Variants in FBXO15 observed in about 807,000 individuals in gnomAD.
FBXO15 encodes the protein F-box protein 15, also known as F-box only protein 15.
A neutral mutation model predicts 49.5 loss-of-function variants in FBXO15; 30 were observed. The observed-to-expected ratio is 0.61, with a 90% CI of 0.45 to 0.82. The LOEUF is 0.82. Ranked by LOEUF, FBXO15 falls within the 40% of genes least tolerant of loss-of-function variation. The pLI is 0.00. For missense variants in FBXO15, 591 were observed against 631.5 expected (o/e 0.94, Z 0.69); for synonymous variants, 250 against 232.7 (o/e 1.07, Z -0.68).
rs1023547001 is a variant in FBXO15 at position 74,138,383 on chromosome 18, G to A, written c.227+1819C>T. 3.3e-5 allele frequency among the ~76,000 whole-genome samples: 5 copies of A among 152,018 alleles called. 1 individual carries two copies. Among genetic ancestry groups the A allele is most frequent in the Admixed American group, 1.3e-4 (2 of 15,276 alleles). On this transcript the variant is annotated intron_variant, in intron 2 of 9. Coordinates refer to ENST00000419743, the MANE Select transcript of FBXO15 (RefSeq NM_001142958.2). ...CCATGCCCTGCTGCCTCCTCCCCCC[G>A]CCTCCCCAGGCCGCAGGTCACCGAC...
intron 6 of FBXO15, among the ~76,000 whole-genome samples, chr18:74,125,262 C>T (rs189862118): frequency 4.8e-4 from 73 of 152,272 alleles, no homozygotes; most frequent in African/African-American, 1.6e-3. Context: ...AGGCAAGCTG[C>T]GGTCTCGCCC....
chr18:74,074,787 G>T lies in FBXO15; in HGVS notation c.1264-1057C>A, dbSNP rs1241528584. Among the ~76,000 whole-genome samples, 1 of 152,180 alleles carries T rather than the reference G, an allele frequency of 6.6e-6. No homozygotes were observed. The highest frequency in any genetic ancestry group is 2.4e-5 in the African/African-American group (1 of 41,442). On this transcript the variant is annotated intron_variant, in intron 9 of 9. Transcript: ENST00000419743. This position sits in a 1 kb window ranked among gnomAD's most constrained non-coding sequence, Gnocchi z 4.7. Reference sequence around the variant, plus strand: ...CTGCTTTCATTGCACATGAATGTGTGGTCTGTATATGCCCATACCGCAGTG... The same window carrying T: ...CTGCTTTCATTGCACATGAATGTGTTGTCTGTATATGCCCATACCGCAGTG...
intron 1 of FBXO15, 62 bp from the exon 2 acceptor site, chr18:74,140,374 C>T (rs1978994226): frequency 7.1e-7 from 1 of 1,415,166 alleles, no homozygotes; most frequent in Non-Finnish European, 9.5e-7. Flanking sequence ...TTATCTATTC[C>T]CTTCTACAAA....
At chr18:74,123,551 C>A (rs765615891) in intron 7 of FBXO15, 41 bp from the exon 8 acceptor site, 7 of 1,572,234 alleles carry the variant, frequency 4.5e-6, no homozygotes, top group African/African-American at 1.4e-5. Flanking sequence ...TTTGTCAACA[C>A]CAGGGATAAA....
intron 8 of FBXO15, chr18:74,097,814 T>C (rs1415748183): frequency 1.3e-5 from 2 of 152,218 alleles, no homozygotes; most frequent in Admixed American, 6.5e-5. Context: ...AGCACAAAAA[T>C]AGTGCAATAA....
intron 5 of FBXO15, among the ~76,000 whole-genome samples, chr18:74,127,031 A>G (rs1871329894): frequency 1.3e-5 from 2 of 152,236 alleles, no homozygotes; most frequent in South Asian, 4.1e-4. Flanking sequence ...CTCACTGTGG[A>G]GTCAGAGAAA....
intron 8 of FBXO15, among the ~76,000 whole-genome samples, chr18:74,109,162 G>T (rs544179043): frequency 3.3e-5 from 5 of 152,248 alleles, no homozygotes; most frequent in African/African-American, 9.6e-5. Flanking sequence ...CCATCAAAAA[G>T]TGGGTGAAGG....
intron 8 of FBXO15, among the ~76,000 whole-genome samples, chr18:74,092,649 C>T (rs146249930): frequency 1.4e-4 from 21 of 152,268 alleles, no homozygotes; most frequent in Non-Finnish European, 2.8e-4. Context: ...TGGGGGCCAA[C>T]GCTCAGCTCA....
At chr18:74,102,649 G>C (rs771538535) in intron 8 of FBXO15, among the ~76,000 whole-genome samples, 1 of 152,156 alleles carries the variant, frequency 6.6e-6, no homozygotes, top group Non-Finnish European at 1.5e-5. Context: ...AAAGATACTT[G>C]CTCATGCATT....
chr18:74,104,842 C>T (rs1290940110), intron 8 of FBXO15, among the ~76,000 whole-genome samples: 1 of 152,114 alleles, frequency 6.6e-6, no homozygotes, highest in Non-Finnish European at 1.5e-5. Flanking sequence ...TAATAGAGTG[C>T]TTTAACATGT....
At chr18:74,146,559 T>C (rs2034190007) in intron 1 of FBXO15, among the ~76,000 whole-genome samples, 1 of 152,228 alleles carries the variant, frequency 6.6e-6, no homozygotes, top group African/African-American at 2.4e-5. Context: ...AAAGTTCAAG[T>C]TTCCTATTTA....
At chr18:74,133,992 C>T (rs1336801265) in intron 3 of FBXO15, among the ~76,000 whole-genome samples, 3 of 152,262 alleles carry the variant, frequency 2.0e-5, no homozygotes, top group East Asian at 1.9e-4. Context: ...ATCTCAACTA[C>T]GTAAACTACA....
chr18:74,105,828 G>A (rs1913733090), intron 8 of FBXO15, among the ~76,000 whole-genome samples: 1 of 152,064 alleles, frequency 6.6e-6, no homozygotes, highest in African/African-American at 2.4e-5. Context: ...TAGTTGGAGG[G>A]ATAGATGAAA....
chr18:74,088,034 A>G (rs1367363112), intron 8 of FBXO15, among the ~76,000 whole-genome samples: 2 of 152,084 alleles, frequency 1.3e-5, no homozygotes, highest in African/African-American at 4.8e-5. Flanking sequence ...TTGTCTGTTC[A>G]TGTCCTTTGC....
intron 3 of FBXO15, chr18:74,130,929 T>C (rs1978355926): frequency 3.2e-6 from 1 of 316,638 alleles, no homozygotes; most frequent in Non-Finnish European, 5.9e-6. Context: ...TTATTTAGGA[T>C]CATCCAAACG....
intron 5 of FBXO15, among the ~76,000 whole-genome samples, chr18:74,128,659 A>G (rs188972246): frequency 6.6e-6 from 1 of 152,364 alleles, no homozygotes; most frequent in East Asian, 1.9e-4. Flanking sequence ...GATGCTATGC[A>G]TGCCATAATC....
rs1355157762 is a variant in FBXO15, at chr18:74,074,041, G to A, written c.1264-311C>T. Among the ~76,000 whole-genome samples the A allele has an allele frequency of 6.6e-6, 1 of 152,144 alleles. No homozygotes were observed. Among genetic ancestry groups the A allele is most frequent in the Non-Finnish European group, 1.5e-5 (1 of 68,028 alleles). On this transcript the variant is annotated intron_variant, in intron 9 of 9. Coordinates refer to ENST00000419743, the MANE Select transcript of FBXO15 (RefSeq NM_001142958.2). The surrounding 1 kb of genome is among the most constrained non-coding windows in gnomAD (Gnocchi z 4.7). Reference sequence around the variant, plus strand: ...CTCCTCATGGAAGTTAAAGTACAGTGGCTACAGATGTGACACAAATCACAC... The same window carrying A: ...CTCCTCATGGAAGTTAAAGTACAGTAGCTACAGATGTGACACAAATCACAC...
chr18:74,131,990 A>C (rs1978422117), intron 3 of FBXO15, among the ~76,000 whole-genome samples: 1 of 152,210 alleles, frequency 6.6e-6, no homozygotes. Flanking sequence ...CATTACATGG[A>C]CTTCCCAACA....
Position 74,073,690 on chromosome 18 carries a change from C to T in FBXO15, c.1304G>A (p.Gly435Glu), listed in dbSNP as rs753532685. The T allele has an allele frequency of 5.6e-6, 9 of 1,613,808 alleles. No individual in the cohort carries two copies. The South Asian group carries it at 9.9e-5, about 18-fold the overall frequency. ...MMDVTLLDEH[G>E]KPFWCFSSPV... is the part of the protein sequence containing the mutation. ...GGAACTGAAACACCAAAAGGGTTTC[C>T]CATGTTCATCCAAAAGAGTTACGTC... Residue 435 changes from glycine (G) to glutamate (E), a missense_variant, in exon 10 of 10, where the codon GGG (glycine) becomes GAG (glutamate). Coordinates refer to ENST00000419743, the MANE Select transcript of FBXO15 (RefSeq NM_001142958.2).
Sources: gnomAD v4.1 joint callset for allele counts (sites outside exome capture counted in the v4.1 genomes callset) on GRCh38, gnomAD v4.1.1 for gene constraint, Gnocchi (gnomAD v3.1) non-coding constraint, MANE v1.5 for transcripts, NCBI Gene and HGNC (gene_info 2026-07-23, HGNC 2026-07-21) for gene names.